Variants in VEGFC observed in about 807,000 individuals in gnomAD.
The protein encoded by VEGFC is vascular endothelial growth factor C, also known as FLT4 ligand DHM.
VEGFC carries 12 observed loss-of-function variants against 46.1 expected under a neutral mutation model. That is an observed-to-expected ratio of 0.26 (90% CI 0.17 to 0.42). The LOEUF is 0.42. Ranked by LOEUF, VEGFC falls within the 10% of genes least tolerant of loss-of-function variation. The pLI is 1.00. For missense variants in VEGFC, 488 were observed against 529.4 expected (o/e 0.92, Z 0.77); for synonymous variants, 232 against 195.5 (o/e 1.19, Z -1.56).
intron 2 of VEGFC, 92 bp from the exon 3 acceptor site, chr4:176,728,060 G>A (rs1734903019): frequency 9.4e-7 from 1 of 1,066,590 alleles, no homozygotes; most frequent in East Asian, 2.6e-5. Flanking sequence ...ATTCATTTCA[G>A]ATTTTAACAT....
intron 1 of VEGFC, among the ~76,000 whole-genome samples, chr4:176,753,377 T>C (rs1408841160): frequency 6.6e-6 from 1 of 152,060 alleles, no homozygotes; most frequent in South Asian, 2.1e-4. Context: ...CATGAGTCCA[T>C]GGCAGCTGGA....
At chr4:176,705,513 T>C (rs1734518880) in intron 4 of VEGFC, among the ~76,000 whole-genome samples, 1 of 152,162 alleles carries the variant, frequency 6.6e-6, no homozygotes, top group Non-Finnish European at 1.5e-5. Context: ...GGGGAACACA[T>C]GGGTTTCAGA....
chr4:176,772,758 C>T (rs1302588844), intron 1 of VEGFC, among the ~76,000 whole-genome samples: 2 of 152,278 alleles, frequency 1.3e-5, no homozygotes, highest in Non-Finnish European at 2.9e-5. Context: ...CCTGTTCTTG[C>T]ACTCTGGAGA....
At chr4:176,707,112 A>G (rs1261659728) in intron 4 of VEGFC, among the ~76,000 whole-genome samples, 1 of 152,182 alleles carries the variant, frequency 6.6e-6, no homozygotes, top group African/African-American at 2.4e-5. Flanking sequence ...CTGTATGCAT[A>G]TACTAAGATG....
intron 1 of VEGFC, among the ~76,000 whole-genome samples, chr4:176,767,731 G>C (rs1445392267): frequency 6.6e-6 from 1 of 152,182 alleles, no homozygotes; most frequent in African/African-American, 2.4e-5. Flanking sequence ...TTGTGAAGTA[G>C]GGAACTATTC....
chr4:176,711,749 T>C, intron 3 of VEGFC, 99 bp from the exon 4 acceptor site: 1 of 1,194,422 alleles, frequency 8.4e-7, no homozygotes, highest in Non-Finnish European at 1.2e-6. Context: ...ATTAGCTCTA[T>C]ATAAGTAGCT....
intron 4 of VEGFC, among the ~76,000 whole-genome samples, chr4:176,704,162 T>C (rs983095778): frequency 1.3e-5 from 2 of 152,168 alleles, no homozygotes; most frequent in Non-Finnish European, 2.9e-5. Context: ...TTATTCCGAT[T>C]GTTCTGATTG....
intron 1 of VEGFC, among the ~76,000 whole-genome samples, chr4:176,789,752 A>G (rs923057267): frequency 2.0e-5 from 3 of 152,228 alleles, no homozygotes; most frequent in Non-Finnish European, 4.4e-5. Context: ...ATATAAGTCG[A>G]GGAATAAGGA....
chr4:176,741,575 T>C (rs1735175542), intron 1 of VEGFC, among the ~76,000 whole-genome samples: 1 of 151,968 alleles, frequency 6.6e-6, no homozygotes, highest in Non-Finnish European at 1.5e-5. Context: ...AGTGTCTCTT[T>C]CATCCTAAAA....
At chr4:176,775,875 C>G (rs749199546) in intron 1 of VEGFC, among the ~76,000 whole-genome samples, 1 of 151,898 alleles carries the variant, frequency 6.6e-6, no homozygotes, top group African/African-American at 2.4e-5. Context: ...GTCATTCCCA[C>G]GCTATTAACA....
At chr4:176,755,200 C>A (rs1735412860) in intron 1 of VEGFC, among the ~76,000 whole-genome samples, 1 of 151,664 alleles carries the variant, frequency 6.6e-6, no homozygotes, top group South Asian at 2.1e-4. Flanking sequence ...TGTCCATGGT[C>A]TCAGTATTTC....
intron 3 of VEGFC, among the ~76,000 whole-genome samples, chr4:176,726,120 A>G (rs1481819015): frequency 6.6e-6 from 1 of 152,162 alleles, no homozygotes; most frequent in Non-Finnish European, 1.5e-5. Context: ...TGAACTAAGG[A>G]TAACTTTTGC....
intron 1 of VEGFC, among the ~76,000 whole-genome samples, chr4:176,755,742 A>G (rs1440948618): frequency 6.6e-6 from 1 of 152,062 alleles, no homozygotes; most frequent in African/African-American, 2.4e-5. Context: ...TATTCATATC[A>G]CTATGAATAT....
chr4:176,775,780 A>G (rs1579137423), intron 1 of VEGFC, among the ~76,000 whole-genome samples: 1 of 152,148 alleles, frequency 6.6e-6, no homozygotes, highest in African/African-American at 2.4e-5. Flanking sequence ...TGTTTTTACT[A>G]TCAGTTCTGA....
chr4:176,717,910 A>T (rs1734723200), intron 3 of VEGFC, among the ~76,000 whole-genome samples: 1 of 152,126 alleles, frequency 6.6e-6, no homozygotes, highest in South Asian at 2.1e-4. Context: ...TGGAACTTAA[A>T]TTGGGTTTGG....
intron 1 of VEGFC, among the ~76,000 whole-genome samples, chr4:176,764,299 A>G (rs1289510761): frequency 1.3e-5 from 2 of 152,192 alleles, no homozygotes; most frequent in African/African-American, 4.8e-5. Context: ...CAGAGTTAAC[A>G]AAAGTGAGAC....
intron 1 of VEGFC, among the ~76,000 whole-genome samples, chr4:176,767,662 T>C (rs1735650426): frequency 6.6e-6 from 1 of 152,232 alleles, no homozygotes; most frequent in Non-Finnish European, 1.5e-5. Context: ...ACTCTTTTAA[T>C]TGAAACACTG....
At chr4:176,715,226 G>A (rs1367524494) in intron 3 of VEGFC, among the ~76,000 whole-genome samples, 1 of 152,126 alleles carries the variant, frequency 6.6e-6, no homozygotes, top group African/African-American at 2.4e-5. Flanking sequence ...GCTGAATTCA[G>A]TTAATTTTGT....
At chr4:176,757,392 C>T (rs1367557296) in intron 1 of VEGFC, among the ~76,000 whole-genome samples, 1 of 151,998 alleles carries the variant, frequency 6.6e-6, no homozygotes, top group African/African-American at 2.4e-5. Flanking sequence ...ATGAGAACAA[C>T]ATTATCCACC....
Sources: gnomAD v4.1 joint callset for allele counts (sites outside exome capture counted in the v4.1 genomes callset) on GRCh38, gnomAD v4.1.1 for gene constraint, MANE v1.5 for transcripts, NCBI Gene and HGNC (gene_info 2026-07-23, HGNC 2026-07-21) for gene names.